The following AFTPH variants were observed in gnomAD, a reference collection of about 807,000 sequenced individuals.
AFTPH encodes the protein aftiphilin.
AFTPH carries 7 observed loss-of-function variants against 72.5 expected under a neutral mutation model. The ratio of observed to expected loss-of-function variants is 0.10; its 90% CI spans 0.05 to 0.18. AFTPH has a LOEUF of 0.18. Ranked by LOEUF, AFTPH falls within the 10% of genes least tolerant of loss-of-function variation. The pLI, the probability that AFTPH is intolerant of heterozygous loss-of-function variation, is 1.00. For synonymous variants in AFTPH, 337 were observed against 370.1 expected, an observed-to-expected ratio of 0.91 and a Z score of 1.03; for missense variants, 979 against 1,060.5, an observed-to-expected ratio of 0.92 and a Z score of 1.07.
intron 2 of AFTPH, among the ~76,000 whole-genome samples, chr2:64,555,359 T>C (rs1671288903): frequency 6.6e-6 from 1 of 152,042 alleles, no homozygotes; most frequent in African/African-American, 2.4e-5. Flanking sequence ...TCAGGAGTTC[T>C]AGCCCTGCCT....
At chr2:64,578,050 C>G (rs1672929472) in intron 6 of AFTPH, among the ~76,000 whole-genome samples, 1 of 152,136 alleles carries the variant, frequency 6.6e-6, no homozygotes, top group Non-Finnish European at 1.5e-5. Flanking sequence ...CTTACACCCA[C>G]TAACTAATGT....
In AFTPH at chr2:64,538,184, G is replaced by T. The variant is rs192008939; in HGVS notation, c.-32-13259G>T. The stretch of plus-strand genomic sequence containing the variant: ...TCTGTGAGTCATAGGGGAAAAATGT[G>T]TGAAAAATTCTGCTTTATATGACGG... On this transcript the variant is annotated intron_variant, in intron 1 of 8. Transcript: ENST00000238856. Among the ~76,000 whole-genome samples, 133 of 152,178 alleles carry T rather than the reference G, an allele frequency of 8.7e-4. 1 individual carries two copies. Among genetic ancestry groups the T allele is most frequent in the Non-Finnish European group, 1.6e-3 (108 of 67,986 alleles).
At chr2:64,573,011 C>A in exon 6 of AFTPH, 1 of 1,614,086 alleles carries the variant, frequency 6.2e-7, no homozygotes, top group South Asian at 1.1e-5. Context: ...TAGCTTCCAT[C>A]GGTCAGACAG....
intron 1 of AFTPH, among the ~76,000 whole-genome samples, chr2:64,534,364 A>C (rs1669776685): frequency 6.6e-6 from 1 of 152,106 alleles, no homozygotes; most frequent in Non-Finnish European, 1.5e-5. Flanking sequence ...TTTTGATAAT[A>C]TCTTCATTCA....
In AFTPH at chr2:64,552,303, A is replaced by G. The variant is rs549069405; in HGVS notation, c.829A>G (p.Lys277Glu). Residue 277 changes from lysine to glutamate, a missense_variant, in exon 2 of 9, where the codon AAA (lysine) becomes GAA (glutamate). Lys to Glu is a moderately conservative substitution (Grantham distance 56, BLOSUM62 1). This residue lies in a region of AFTPH where 498 missense variants were observed against 467.6 expected (regional missense o/e 1.06). Transcript: ENST00000238856. ...TAGAGTCAATGAACTGAATTCTGTA[A>G]AAGAAGTGGCTTTGGGTAGAAGCTT... 2.5e-5 allele frequency: 41 copies of G among 1,614,130 alleles called. No homozygotes were observed. The South Asian group carries it at 3.8e-4, about 15-fold the overall frequency.
Position 64,552,989 on chromosome 2 carries a change from T to TA in AFTPH, c.1517dup (p.Asn506LysfsTer13). On this transcript the variant is annotated frameshift_variant, in exon 2 of 9. Coordinates refer to ENST00000238856, the Ensembl canonical transcript of AFTPH. LOFTEE classifies it high-confidence loss of function. ...AGTCAGACCTAAAACAGACTTCTGA[T>TA]AATTTATCAGAAGAATGTCAATTGG... The TA allele has an allele frequency of 6.2e-7, 1 of 1,614,170 alleles. No individual in the cohort carries two copies. The highest frequency in any genetic ancestry group is 1.6e-4 in the Middle Eastern group (1 of 6,062).
intron 8 of AFTPH, among the ~76,000 whole-genome samples, chr2:64,586,520 TA>T (rs1673522606): frequency 1.3e-5 from 2 of 152,272 alleles, no homozygotes; most frequent in African/African-American, 4.8e-5. Flanking sequence ...TAGCTTGAAT[TA>T]TCATATTGTC....
intron 2 of AFTPH, among the ~76,000 whole-genome samples, chr2:64,566,898 C>T (rs1397651968): frequency 3.3e-5 from 5 of 151,082 alleles, no homozygotes; most frequent in East Asian, 3.9e-4. Flanking sequence ...GCAACAAAGA[C>T]GAGTAGAGAA....
At chr2:64,571,803 T>G (rs2104089642) in intron 5 of AFTPH, among the ~76,000 whole-genome samples, 1 of 152,364 alleles carries the variant, frequency 6.6e-6, no homozygotes, top group Non-Finnish European at 1.5e-5. Flanking sequence ...TGTAACAGTT[T>G]GACTTTTTTC....
At chr2:64,555,632 A>G (rs1351839738) in intron 2 of AFTPH, among the ~76,000 whole-genome samples, 1 of 151,804 alleles carries the variant, frequency 6.6e-6, no homozygotes, top group South Asian at 2.1e-4. Flanking sequence ...CTAAGGCCTC[A>G]TGCTTCTATT....
chr2:64,543,098 G>A (rs2103872376), intron 1 of AFTPH, among the ~76,000 whole-genome samples: 1 of 152,344 alleles, frequency 6.6e-6, no homozygotes, highest in South Asian at 2.1e-4. Flanking sequence ...CATTCTGGTA[G>A]ATGTATAGTG....
intron 1 of AFTPH, among the ~76,000 whole-genome samples, chr2:64,525,007 C>A (rs1669165735): frequency 1.3e-5 from 2 of 152,240 alleles, no homozygotes; most frequent in South Asian, 4.1e-4. Context: ...CGCTCTCCTT[C>A]CCCCTCCCTC....
intron 1 of AFTPH, among the ~76,000 whole-genome samples, chr2:64,533,090 A>T (rs1458622535): frequency 6.6e-6 from 1 of 152,090 alleles, no homozygotes; most frequent in Non-Finnish European, 1.5e-5. Context: ...ATAGGTATTG[A>T]TGTTTCTGCT....
At chr2:64,540,900 C>G (rs1670213316) in intron 1 of AFTPH, among the ~76,000 whole-genome samples, 1 of 152,102 alleles carries the variant, frequency 6.6e-6, no homozygotes, top group East Asian at 1.9e-4. Flanking sequence ...CTTTCCCCTT[C>G]CAAGTTACTT....
intron 2 of AFTPH, among the ~76,000 whole-genome samples, chr2:64,558,116 G>A (rs1671500885): frequency 1.3e-5 from 2 of 152,084 alleles, no homozygotes; most frequent in Non-Finnish European, 2.9e-5. Context: ...GGATTTTAAT[G>A]TTTCTTCTAA....
chr2:64,551,119 T>C (rs1671019478), intron 1 of AFTPH, among the ~76,000 whole-genome samples: 1 of 152,188 alleles, frequency 6.6e-6, no homozygotes, highest in African/African-American at 2.4e-5. Context: ...GGAGAGAATT[T>C]TGTAGCTGTA....
intron 5 of AFTPH, among the ~76,000 whole-genome samples, chr2:64,572,578 A>C (rs1672504276): frequency 6.6e-6 from 1 of 152,198 alleles, no homozygotes; most frequent in South Asian, 2.1e-4. Context: ...TGTGACAGTA[A>C]TAATTCTGTA....
chr2:64,559,244 C>G (rs942380465), intron 2 of AFTPH, among the ~76,000 whole-genome samples: 2 of 151,630 alleles, frequency 1.3e-5, no homozygotes, highest in African/African-American at 2.4e-5. Context: ...TTAGAGTTCT[C>G]CAGATAAACA....
At chr2:64,590,867 C>G (rs999297751) in intron 8 of AFTPH, among the ~76,000 whole-genome samples, 1 of 152,178 alleles carries the variant, frequency 6.6e-6, no homozygotes, top group African/African-American at 2.4e-5. Flanking sequence ...GCTTTACCTC[C>G]TGGCTTCCTG....
Sources: gnomAD v4.1 joint callset for allele counts (sites outside exome capture counted in the v4.1 genomes callset) on GRCh38, gnomAD v4.1.1 for gene constraint, gnomAD v4.1.1 regional missense constraint, MANE v1.5 for transcripts, NCBI Gene and HGNC (gene_info 2026-07-23, HGNC 2026-07-21) for gene names.